Variants in NBEA observed in about 807,000 individuals in gnomAD.
NBEA encodes lysosomal-trafficking regulator 2.
A neutral mutation model predicts 343.4 loss-of-function variants in NBEA; 44 were observed. The ratio of observed to expected loss-of-function variants is 0.13; its 90% CI spans 0.10 to 0.16. The LOEUF is 0.16. Ranked by LOEUF, NBEA falls within the 10% of genes least tolerant of loss-of-function variation. The pLI is 1.00. For missense variants in NBEA, 2,555 were observed against 3,631.3 expected (o/e 0.70, Z 7.62); for synonymous variants, 1,175 against 1,238.7 (o/e 0.95, Z 1.08).
At chr13:35,456,104 CTA>C (rs1233847752) in intron 40 of NBEA, among the ~76,000 whole-genome samples, 1 of 151,974 alleles carries the variant, frequency 6.6e-6, no homozygotes, top group Non-Finnish European at 1.5e-5. Flanking sequence ...AAGTTAAAAA[CTA>C]TGATAAATAG....
At chr13:35,381,381 G>T (rs777090021) in intron 38 of NBEA, among the ~76,000 whole-genome samples, 4 of 152,096 alleles carry the variant, frequency 2.6e-5, no homozygotes, top group Non-Finnish European at 5.9e-5. Flanking sequence ...ATGAGCTATA[G>T]TCTCATTTGT....
intron 48 of NBEA, among the ~76,000 whole-genome samples, chr13:35,609,739 A>G (rs1487307408): frequency 6.6e-6 from 1 of 152,190 alleles, no homozygotes; most frequent in African/African-American, 2.4e-5. Context: ...TGCGTTACCA[A>G]TAGCAAATTT....
At chr13:35,015,662 A>G (rs750470829) in intron 1 of NBEA, among the ~76,000 whole-genome samples, 3 of 152,144 alleles carry the variant, frequency 2.0e-5, no homozygotes, top group Non-Finnish European at 4.4e-5. Flanking sequence ...TGAGAAAATT[A>G]GCCTTCAGAA....
intron 1 of NBEA, among the ~76,000 whole-genome samples, chr13:34,994,198 CAAAAAAAAAAAA>C (rs57966701): frequency 0.01 from 305 of 29,946 alleles, 1 homozygote; most frequent in African/African-American, 0.021. Flanking sequence ...GCTCTGTCTC[CAAAAAAAAAAAA>C]AAAAAAAAAA....
chr13:35,167,596 C>A (rs1015282649), intron 24 of NBEA, among the ~76,000 whole-genome samples: 1 of 151,784 alleles, frequency 6.6e-6, no homozygotes, highest in Non-Finnish European at 1.5e-5. Context: ...AGTTTCAGAT[C>A]TCCGAGTTAG....
At chr13:35,465,183 A>C (rs1175192736) in intron 40 of NBEA, among the ~76,000 whole-genome samples, 4 of 152,110 alleles carry the variant, frequency 2.6e-5, no homozygotes, top group Non-Finnish European at 5.9e-5. Context: ...AAAAACATAA[A>C]AGATGTAATA....
intron 1 of NBEA, among the ~76,000 whole-genome samples, chr13:35,017,460 C>T (rs896267412): frequency 6.6e-6 from 1 of 152,154 alleles, no homozygotes; most frequent in African/African-American, 2.4e-5. Context: ...AGTTGTTTTA[C>T]ATCCTCTTCC....
At chr13:35,591,556 GT>G (rs2081542098) in intron 46 of NBEA, among the ~76,000 whole-genome samples, 1 of 151,892 alleles carries the variant, frequency 6.6e-6, no homozygotes, top group Admixed American at 6.6e-5. Context: ...CTTGTATATT[GT>G]TTTTTCATTG....
intron 41 of NBEA, among the ~76,000 whole-genome samples, chr13:35,493,374 A>G (rs1195326414): frequency 6.6e-6 from 1 of 151,990 alleles, no homozygotes; most frequent in Non-Finnish European, 1.5e-5. Context: ...ATTTAAATTT[A>G]TTCCTGGAGC....
At chr13:35,498,320 A>G (rs924742640) in intron 41 of NBEA, among the ~76,000 whole-genome samples, 6 of 152,004 alleles carry the variant, frequency 3.9e-5, no homozygotes, top group Non-Finnish European at 8.8e-5. Flanking sequence ...ATCATTGATA[A>G]TTACTGTTCA....
rs1439635840 is a variant in NBEA at position 35,309,557 on chromosome 13, A to G, written c.5868A>G (p.Ala1956=). 2.0e-5 allele frequency: 32 copies of G among 1,592,780 alleles called. No homozygotes were observed. Among genetic ancestry groups the G allele is most frequent in the Non-Finnish European group, 2.6e-5 (31 of 1,170,806 alleles). Residue 1956 remains alanine, a synonymous_variant, in exon 36 of 59, where the codon GCA becomes GCG. Coordinates refer to ENST00000379939, the MANE Select transcript of NBEA (RefSeq NM_001385012.1). ...QEWQNSIQKN[A]GLAFIELINE... is the part of the protein sequence containing the mutation. ...GGCAAAACTCTATTCAGAAGAATGC[A>G]GGACTTGCATTTATTGAGCTCATCA... is the stretch of plus-strand genomic sequence containing the variant.
At chr13:35,046,887 G>T (rs2152561701) in intron 4 of NBEA, among the ~76,000 whole-genome samples, 1 of 152,106 alleles carries the variant, frequency 6.6e-6, no homozygotes, top group African/African-American at 2.4e-5. Context: ...CATGACTGAT[G>T]ATGATGAGCA....
At chr13:35,640,352 C>G (rs771865883) in intron 49 of NBEA, among the ~76,000 whole-genome samples, 5 of 151,986 alleles carry the variant, frequency 3.3e-5, no homozygotes, top group Middle Eastern at 3.2e-3. Context: ...ACACACATGC[C>G]CCTTTGTGCA....
intron 47 of NBEA, among the ~76,000 whole-genome samples, chr13:35,597,868 G>C (rs2081879039): frequency 6.6e-6 from 1 of 152,104 alleles, no homozygotes; most frequent in African/African-American, 2.4e-5. Flanking sequence ...GAGTAGACAC[G>C]GACTCCACTT....
chr13:34,959,954 A>G (rs1426799420), intron 1 of NBEA, among the ~76,000 whole-genome samples: 1 of 152,164 alleles, frequency 6.6e-6, no homozygotes, highest in East Asian at 1.9e-4. Flanking sequence ...TGTATTTGCT[A>G]TACTGTACTT....
intron 38 of NBEA, among the ~76,000 whole-genome samples, chr13:35,408,097 C>T (rs533786240): frequency 2.6e-5 from 4 of 152,084 alleles, no homozygotes; most frequent in Admixed American, 6.6e-5. Flanking sequence ...ATCACACTGT[C>T]CAACTTCAAA....
chr13:35,444,386 T>C (rs902176886), intron 39 of NBEA, among the ~76,000 whole-genome samples: 1 of 152,058 alleles, frequency 6.6e-6, no homozygotes, highest in African/African-American at 2.4e-5. Flanking sequence ...GAAAAAGTAA[T>C]CTTTAAAATT....
intron 1 of NBEA, among the ~76,000 whole-genome samples, chr13:34,982,340 G>C (rs2060385003): frequency 6.6e-6 from 1 of 151,946 alleles, no homozygotes; most frequent in Admixed American, 6.6e-5. Flanking sequence ...CTGTTGCCCA[G>C]GCTGGGGTGC....
chr13:35,367,901 G>A (rs1165806366), intron 38 of NBEA, among the ~76,000 whole-genome samples: 1 of 151,440 alleles, frequency 6.6e-6, no homozygotes, highest in African/African-American at 2.4e-5. Flanking sequence ...AAGTTAACAT[G>A]CATACGAAGT....
Sources: gnomAD v4.1 joint callset for allele counts (sites outside exome capture counted in the v4.1 genomes callset) on GRCh38, gnomAD v4.1.1 for gene constraint, MANE v1.5 for transcripts, NCBI Gene and HGNC (gene_info 2026-07-23, HGNC 2026-07-21) for gene names.